The following APP variants were observed in gnomAD, a reference collection of about 807,000 sequenced individuals.
APP encodes amyloid beta precursor protein.
A neutral mutation model predicts 101.4 loss-of-function variants in APP; 31 were observed. The ratio of observed to expected loss-of-function variants is 0.31; its 90% CI spans 0.23 to 0.41. The LOEUF is 0.41. Ranked by LOEUF, APP falls within the 10% of genes least tolerant of loss-of-function variation. The pLI, the probability that APP is intolerant of heterozygous loss-of-function variation, is 1.00. For missense variants in APP, 839 were observed against 1,003.7 expected (o/e 0.84, Z 2.22); for synonymous variants, 366 against 364.4 (o/e 1.00, Z -0.05).
intron 1 of APP, among the ~76,000 whole-genome samples, chr21:26,162,379 G>T (rs1019262663): frequency 5.3e-5 from 8 of 151,862 alleles, no homozygotes; most frequent in South Asian, 2.1e-4. Context: ...CCAATAGTAG[G>T]AGTAGATATA....
intron 6 of APP, among the ~76,000 whole-genome samples, chr21:26,015,876 T>G (rs1010343622): frequency 6.6e-6 from 1 of 152,210 alleles, no homozygotes; most frequent in Non-Finnish European, 1.5e-5. Flanking sequence ...TCAACTCTAC[T>G]TCCAAAACAT....
At chr21:26,128,192 C>G (rs2062722230) in intron 1 of APP, among the ~76,000 whole-genome samples, 1 of 152,134 alleles carries the variant, frequency 6.6e-6, no homozygotes, top group Admixed American at 6.5e-5. Flanking sequence ...GTCGTCAACC[C>G]CAGCTACACG....
At chr21:26,170,895 G>T (rs2063734014), upstream of APP, 2 of 336,248 alleles carry the variant, frequency 5.9e-6, no homozygotes, top group Non-Finnish European at 1.0e-5. Context: ...GCGCCGGGAG[G>T]GGCCCTCGCG....
intron 11 of APP, among the ~76,000 whole-genome samples, chr21:25,960,721 G>A (rs1000411972): frequency 9.9e-5 from 15 of 152,076 alleles, no homozygotes; most frequent in Admixed American, 9.2e-4. Flanking sequence ...TGCGCATTTT[G>A]TGTGCATCTA....
chr21:26,008,906 C>T (rs560379040), intron 6 of APP, among the ~76,000 whole-genome samples: 1 of 152,246 alleles, frequency 6.6e-6, no homozygotes, highest in African/African-American at 2.4e-5. Flanking sequence ...CTCAATGCTG[C>T]AAATCTGCAC....
At chr21:26,062,411 C>G (rs2046306022) in intron 3 of APP, among the ~76,000 whole-genome samples, 1 of 151,784 alleles carries the variant, frequency 6.6e-6, no homozygotes, top group African/African-American at 2.4e-5. Flanking sequence ...ACCTATAATC[C>G]CAGCAATTTG....
intron 1 of APP, among the ~76,000 whole-genome samples, chr21:26,145,300 G>A (rs1023577061): frequency 3.3e-5 from 5 of 152,188 alleles, no homozygotes; most frequent in Non-Finnish European, 7.3e-5. Flanking sequence ...TGGGGTGTTG[G>A]GGGTGGGATG....
chr21:25,902,123 T>G (rs1366440975), intron 15 of APP, among the ~76,000 whole-genome samples: 1 of 152,020 alleles, frequency 6.6e-6, no homozygotes, highest in African/African-American at 2.4e-5. Flanking sequence ...GATATGAGAG[T>G]TAAGGAGAAG....
chr21:25,999,821 G>C (rs1207100190), intron 7 of APP, among the ~76,000 whole-genome samples, 194 bp downstream of exon 7: 2 of 152,182 alleles, frequency 1.3e-5, no homozygotes, highest in African/African-American at 4.8e-5. Flanking sequence ...TGCTTTATCA[G>C]GGAAAGACGG....
chr21:26,109,931 T>C (rs549000971), intron 2 of APP, among the ~76,000 whole-genome samples: 3 of 152,254 alleles, frequency 2.0e-5, no homozygotes, highest in East Asian at 1.9e-4. Context: ...ATAGTCTGTA[T>C]GCATATATCA....
chr21:25,931,361 G>A (rs214482), intron 13 of APP, among the ~76,000 whole-genome samples: 94,506 of 152,030 alleles, frequency 0.62, 33,685 homozygotes, highest in Non-Finnish European at 0.81. Context: ...CAAGGGAAGT[G>A]AAAAGGGAAG....
chr21:26,063,703 G>A (rs906518082), intron 3 of APP, among the ~76,000 whole-genome samples: 1 of 152,056 alleles, frequency 6.6e-6, no homozygotes, highest in Admixed American at 6.6e-5. Context: ...ACATAAATAG[G>A]AAAAAAGAGA....
intron 3 of APP, among the ~76,000 whole-genome samples, chr21:26,078,756 T>A (rs1461379890): frequency 6.6e-6 from 1 of 152,114 alleles, no homozygotes; most frequent in Non-Finnish European, 1.5e-5. Context: ...AAAAAAAACA[T>A]CAAACTCGGC....
chr21:25,977,794 T>G (rs888342085), intron 9 of APP, among the ~76,000 whole-genome samples: 1 of 152,224 alleles, frequency 6.6e-6, no homozygotes, highest in Non-Finnish European at 1.5e-5. Flanking sequence ...AGAAACATAT[T>G]GTCCCATCTG....
intron 13 of APP, among the ~76,000 whole-genome samples, chr21:25,939,246 GA>G (rs2040477771): frequency 6.6e-6 from 1 of 152,166 alleles, no homozygotes; most frequent in Non-Finnish European, 1.5e-5. Flanking sequence ...ACATGGGAAG[GA>G]AGCCAGGAAG....
At position 25,901,302 on chromosome 21, in the gene APP, A is replaced by C. The variant is rs2038459604; in HGVS notation, c.1964-3629T>G. ...ACAGAGACAAATCCTGTTTTAAAAA[A>C]AAAAAAAAAAAAAAAACAAAACCAA... is the stretch of plus-strand genomic sequence containing the variant. On this transcript the variant is annotated intron_variant, in intron 15 of 17. Transcript: ENST00000346798. Among the ~76,000 whole-genome samples the C allele has an allele frequency of 1.6e-4, 11 of 67,138 alleles. 1 individual carries two copies. Among genetic ancestry groups the C allele is most frequent in the East Asian group, 7.1e-4 (2 of 2,824 alleles). The allele number at this position is 67,138 out of a possible 152,430, so 44.0% of individuals were successfully genotyped here.
At chr21:26,094,178 A>G (rs190185273) in intron 2 of APP, among the ~76,000 whole-genome samples, 2 of 152,196 alleles carry the variant, frequency 1.3e-5, no homozygotes, top group East Asian at 3.9e-4. Flanking sequence ...CTACTGTCCT[A>G]TTAAAATGGA....
At position 26,051,157 on chromosome 21, in the gene APP, C is replaced by T. The variant is rs201102339; in HGVS notation, c.505G>A (p.Gly169Ser). The T allele has an allele frequency of 5.0e-6, 8 of 1,613,934 alleles. No homozygotes were observed. The highest frequency in any genetic ancestry group is 2.2e-5 in the South Asian group (2 of 91,062). ...TCAATTCCGCAGGGCAGCAACATGC[C>T]GTAGTCATGCAAGTTGGTACTCTTC... is the stretch of plus-strand genomic sequence containing the variant. ...SEKSTNLHDY[G>S]MLLPCGIDKF... The change falls in exon 5 of 18, where the codon GGC becomes AGC. Residue 169 changes from glycine (G) to serine (S), a missense_variant. Transcript: ENST00000346798.
At chr21:26,049,107 T>G (rs1405738316) in intron 5 of APP, among the ~76,000 whole-genome samples, 2 of 152,038 alleles carry the variant, frequency 1.3e-5, no homozygotes, top group African/African-American at 2.4e-5. Flanking sequence ...TCAACAGGAT[T>G]AAAAACACAT....
Sources: gnomAD v4.1 joint callset for allele counts (sites outside exome capture counted in the v4.1 genomes callset) on GRCh38, gnomAD v4.1.1 for gene constraint, MANE v1.5 for transcripts, NCBI Gene and HGNC (gene_info 2026-07-23, HGNC 2026-07-21) for gene names.